The following PSMA4 variants were observed in gnomAD, a reference collection of about 807,000 sequenced individuals.
PSMA4 encodes proteasome subunit alpha type-4.
Under a neutral mutation model 37.2 loss-of-function variants are expected in PSMA4, and 8 were observed. The ratio of observed to expected loss-of-function variants is 0.22; its 90% CI spans 0.13 to 0.39. The LOEUF is 0.39. Among genes scored for constraint, PSMA4 ranks in the 10% least tolerant of loss-of-function variants. PSMA4 has a pLI of 1.00. For missense variants in PSMA4, 169 were observed against 305.1 expected (o/e 0.55, Z 3.32); for synonymous variants, 93 against 98.8 (o/e 0.94, Z 0.35).
rs945135541 is a variant in PSMA4, at chr15:78,541,531, C to T, written c.-23-374C>T. 13 of 259,464 alleles carry T rather than the reference C, an allele frequency of 5.0e-5. No homozygotes were observed. In the Admixed American group the frequency reaches 5.7e-4, roughly 11 times the overall value. The allele number at this position is 259,464 out of a possible 1,614,324, so 16.1% of individuals were successfully genotyped here. ...TTTCTGCTCTGTGTGGAATGCCCTT[C>T]TTTCTTCCCCTGTTCTTTCTCTTAG... is the stretch of plus-strand genomic sequence containing the variant. On this transcript the variant is annotated intron_variant, in intron 1 of 8. Coordinates refer to ENST00000044462, the MANE Select transcript of PSMA4 (RefSeq NM_002789.6).
chr15:78,544,794 T>C (rs2052521976), intron 5 of PSMA4, 75 bp from the exon 6 acceptor site: 1 of 1,052,078 alleles, frequency 9.5e-7, no homozygotes, highest in Non-Finnish European at 1.4e-6. Context: ...ATAGATTGCT[T>C]TTCAGAGAAT....
Position 78,540,528 on chromosome 15 carries a change from G to A in PSMA4, c.-35G>A, listed in dbSNP as rs1236773714. On this transcript the variant is annotated 5_prime_UTR_variant, in exon 1 of 9. Coordinates refer to ENST00000044462, the MANE Select transcript of PSMA4 (RefSeq NM_002789.6). ...TCCGTGGACATCTCAGGTCTTCAGG[G>A]TCTTCCATCTGGTGAGCCTTTGGCC... 6.6e-6 allele frequency: 1 copy of A among 152,482 alleles called. No homozygotes were observed. The highest frequency in any genetic ancestry group is 1.5e-5 in the Non-Finnish European group (1 of 68,246). 9.4% of individuals were successfully genotyped at this position (152,482 alleles called of 1,614,324 possible). A position where few individuals can be genotyped will look rare whatever the true frequency, so the allele number is the denominator to read the frequency against.
rs2052559529 is a variant in PSMA4 at position 78,546,714 on chromosome 15, T to C, written c.631+16T>C. On this transcript the variant is annotated intron_variant, in intron 8 of 8. Coordinates refer to ENST00000044462, the MANE Select transcript of PSMA4 (RefSeq NM_002789.6). The stretch of plus-strand genomic sequence containing the variant: ...GCTGAAAAAGGTAATTCATATCCTC[T>C]CCTTTAATTCTTTCGACTGAGTGAG... 8.2e-6 allele frequency: 13 copies of C among 1,584,982 alleles called. No homozygotes were observed. In the East Asian group the frequency reaches 2.9e-4, roughly 36 times the overall value.
chr15:78,543,083 A>G (rs2141373830), intron 4 of PSMA4, among the ~76,000 whole-genome samples: 1 of 152,322 alleles, frequency 6.6e-6, no homozygotes, highest in East Asian at 1.9e-4. Context: ...GATTTTGTTG[A>G]ATTACACTGA....
rs1242001928 is a variant in PSMA4, at chr15:78,551,086, C to G, written c.*2142C>G. ...ACGCTGGTCCAATTCACCATTATCTCTGACTTGGACTATTGCAACAGCCTC... is the reference window on the plus strand; with the variant it reads ...ACGCTGGTCCAATTCACCATTATCTGTGACTTGGACTATTGCAACAGCCTC... On this transcript the variant is annotated 3_prime_UTR_variant, in exon 9 of 9. Transcript: ENST00000044462. 1 of 152,194 alleles carries G rather than the reference C, an allele frequency of 6.6e-6. No homozygotes were observed. Among genetic ancestry groups the G allele is most frequent in the Admixed American group, 6.5e-5 (1 of 15,270 alleles). 9.4% of individuals were successfully genotyped at this position (152,194 alleles called of 1,614,324 possible).
intron 7 of PSMA4, among the ~76,000 whole-genome samples, chr15:78,546,120 C>T (rs911760603): frequency 3.9e-5 from 6 of 152,028 alleles, no homozygotes; most frequent in African/African-American, 7.2e-5. Flanking sequence ...CTTCTCACCC[C>T]GTGCCGTGTG....
chr15:78,542,281 A>G lies in PSMA4; in HGVS notation c.46+62A>G, dbSNP rs1056438420. ...AAATAAATGTGTTAGACTTTTAGAA[A>G]AAAAAATTACAAACTTTTTTTGGTA... On this transcript the variant is annotated intron_variant, in intron 3 of 8. Coordinates refer to ENST00000044462, the MANE Select transcript of PSMA4 (RefSeq NM_002789.6). 6 of 1,526,822 alleles carry G rather than the reference A, an allele frequency of 3.9e-6. No individual in the cohort carries two copies. In the East Asian group the frequency reaches 6.8e-5, roughly 17 times the overall value. 94.6% of individuals were successfully genotyped at this position (1,526,822 alleles called of 1,614,324 possible).
In PSMA4 at chr15:78,549,183, A is replaced by AAAATGGAAAAG. The variant is rs1359127271; in HGVS notation, c.*248_*249insAGAAATGGAAA. 1 of 453,966 alleles carries AAAATGGAAAAG rather than the reference A, an allele frequency of 2.2e-6. No homozygotes were observed. 28.1% of individuals were successfully genotyped at this position (453,966 alleles called of 1,614,324 possible). A position where few individuals can be genotyped will look rare whatever the true frequency, so the allele number is the denominator to read the frequency against. On this transcript the variant is annotated 3_prime_UTR_variant, in exon 9 of 9. Coordinates refer to ENST00000044462, the MANE Select transcript of PSMA4 (RefSeq NM_002789.6). ...CCCCTTTTTTTGGAATAAAATTTGGAAAATGGAAATGAAGGAATAAATTCT... is the reference window on the plus strand; with the variant it reads ...CCCCTTTTTTTGGAATAAAATTTGGAAAATGGAAAAGAAATGGAAATGAAGGAATAAATTCT...
chr15:78,551,542 A>G lies in PSMA4; in HGVS notation c.*2598A>G, dbSNP rs2052643417. 1 of 151,608 alleles carries G rather than the reference A, an allele frequency of 6.6e-6. No individual in the cohort carries two copies. Among genetic ancestry groups the G allele is most frequent in the African/African-American group, 2.4e-5 (1 of 41,182 alleles). 9.4% of individuals were successfully genotyped at this position (151,608 alleles called of 1,614,324 possible). A position where few individuals can be genotyped will look rare whatever the true frequency, so the allele number is the denominator to read the frequency against. On this transcript the variant is annotated 3_prime_UTR_variant, in exon 9 of 9. Coordinates refer to ENST00000044462, the MANE Select transcript of PSMA4 (RefSeq NM_002789.6). ...TGCACACTCACATTTTCTATTCCCTATACATACCCTGTTGAGTTTTTCTCC... is the reference window on the plus strand; with the variant it reads ...TGCACACTCACATTTTCTATTCCCTGTACATACCCTGTTGAGTTTTTCTCC...
chr15:78,541,948 C>T lies in PSMA4; in HGVS notation c.3+18C>T. 6.3e-7 allele frequency: 1 copy of T among 1,592,626 alleles called. No individual in the cohort carries two copies. Among genetic ancestry groups the T allele is most frequent in the Non-Finnish European group, 8.6e-7 (1 of 1,168,016 alleles). ...AAAACATGGTGAGTTAATACACATG[C>T]CAATAAACGGTTGCCTGATAAACAG... On this transcript the variant is annotated intron_variant, in intron 2 of 8. Coordinates refer to ENST00000044462, the MANE Select transcript of PSMA4 (RefSeq NM_002789.6).
chr15:78,548,225 C>G (rs113352275), intron 8 of PSMA4, among the ~76,000 whole-genome samples: 1 of 151,560 alleles, frequency 6.6e-6, no homozygotes, highest in Non-Finnish European at 1.5e-5. Flanking sequence ...GAGCAAAACT[C>G]CATCTCAAAA....
chr15:78,546,478 TA>T, intron 7 of PSMA4, 96 bp from the exon 8 acceptor site: 1 of 1,123,246 alleles, frequency 8.9e-7, no homozygotes, highest in Non-Finnish European at 1.2e-6. Flanking sequence ...TTTATACTTG[TA>T]ATGCCAATAA....
At chr15:78,548,100 T>G (rs2052587743) in intron 8 of PSMA4, among the ~76,000 whole-genome samples, 2 of 151,814 alleles carry the variant, frequency 1.3e-5, no homozygotes, top group Non-Finnish European at 2.9e-5. Flanking sequence ...GGCGTGGTGG[T>G]GCGCACCTGT....
intron 5 of PSMA4, 48 bp from the exon 6 acceptor site, chr15:78,544,821 G>C (rs1456507065): frequency 1.6e-6 from 2 of 1,288,746 alleles, no homozygotes; most frequent in Non-Finnish European, 2.2e-6. Context: ...CTTAGAGTCT[G>C]TCTGTGTTTT....
intron 7 of PSMA4, among the ~76,000 whole-genome samples, 187 bp downstream of exon 7, chr15:78,545,951 A>G (rs898870645): frequency 5.3e-5 from 8 of 152,216 alleles, no homozygotes; most frequent in African/African-American, 1.9e-4. Flanking sequence ...TTCGTTAACT[A>G]CATTAATAAA....
intron 5 of PSMA4, chr15:78,544,576 G>T: frequency 2.3e-6 from 1 of 442,684 alleles, no homozygotes; most frequent in Non-Finnish European, 4.0e-6. Flanking sequence ...TGGGATTACA[G>T]GCATTAGCCA....
Position 78,551,197 on chromosome 15 carries a change from C to G in PSMA4, c.*2253C>G, listed in dbSNP as rs1181335000. ...TGATCCTTTCAAAATGTAAACGGTA[C>G]TACTGCACAGTTTTGGCTCAAAACC... On this transcript the variant is annotated 3_prime_UTR_variant, in exon 9 of 9. Transcript: ENST00000044462. 1 of 152,246 alleles carries G rather than the reference C, an allele frequency of 6.6e-6. No homozygotes were observed. The highest frequency in any genetic ancestry group is 1.5e-5 in the Non-Finnish European group (1 of 68,104). The allele number at this position is 152,246 out of a possible 1,614,324, so 9.4% of individuals were successfully genotyped here.
At position 78,550,263 on chromosome 15, in the gene PSMA4, C is replaced by A. The variant is rs2052624720; in HGVS notation, c.*1319C>A. ...TTTTGTGTATTTCTACTTAAAGACA[C>A]CTTTTTAAATGTGTATTGTGGATTC... is the stretch of plus-strand genomic sequence containing the variant. On this transcript the variant is annotated 3_prime_UTR_variant, in exon 9 of 9. Transcript: ENST00000044462. 6.6e-6 allele frequency: 1 copy of A among 152,170 alleles called. No individual in the cohort carries two copies. Among genetic ancestry groups the A allele is most frequent in the Non-Finnish European group, 1.5e-5 (1 of 68,042 alleles). The allele number at this position is 152,170 out of a possible 1,614,324, so 9.4% of individuals were successfully genotyped here.
chr15:78,544,522 A>G lies in PSMA4; in HGVS notation c.287+255A>G, dbSNP rs998766696. On this transcript the variant is annotated intron_variant, in intron 5 of 8. Coordinates refer to ENST00000044462, the MANE Select transcript of PSMA4 (RefSeq NM_002789.6). ...CACTGTGTTAGCCAGGATGGTCTCG[A>G]TTTCCTGACCTCGTGATCCGCCTGC... 72 of 450,894 alleles carry G rather than the reference A, an allele frequency of 1.6e-4. 1 individual carries two copies. The highest frequency in any genetic ancestry group is 1.0e-3 in the South Asian group (36 of 35,858). 27.9% of individuals were successfully genotyped at this position (450,894 alleles called of 1,614,324 possible).
Sources: gnomAD v4.1 joint callset for allele counts (sites outside exome capture counted in the v4.1 genomes callset) on GRCh38, gnomAD v4.1.1 for gene constraint, MANE v1.5 for transcripts, NCBI Gene and HGNC (gene_info 2026-07-23, HGNC 2026-07-21) for gene names.